The following CMTM8 variants were observed in gnomAD, a reference collection of about 807,000 sequenced individuals.
CMTM8 encodes CKLF-like MARVEL transmembrane domain-containing protein 8.
Under a neutral mutation model 18.6 loss-of-function variants are expected in CMTM8, and 12 were observed. The ratio of observed to expected loss-of-function variants is 0.65; its 90% CI spans 0.41 to 1.05. CMTM8 has a LOEUF of 1.05. Among genes scored for constraint, CMTM8 ranks in the 50% least tolerant of loss-of-function variants. The probability of loss-of-function intolerance (pLI) is 0.00; values close to 1 mark genes in which losing one functional copy is unlikely to be tolerated. For synonymous variants in CMTM8, 87 were observed against 90.6 expected, an observed-to-expected ratio of 0.96 and a Z score of 0.23; for missense variants, 217 against 227.2, an observed-to-expected ratio of 0.95 and a Z score of 0.29.
rs143556942 is a variant in CMTM8, at chr3:32,358,746, G to A, written c.321+1200G>A. ...TCTTTATTAAGATTTTCAAGAAAGC[G>A]TTGCAAGTTTGAAAAGTAATTCCAA... On this transcript the variant is annotated intron_variant, in intron 2 of 3. Coordinates refer to ENST00000307526, the MANE Select transcript of CMTM8 (RefSeq NM_178868.5). The surrounding 1 kb of genome is among the most constrained non-coding windows in gnomAD (Gnocchi z 4.1). Among the ~76,000 whole-genome samples, 535 of 152,290 alleles carry A rather than the reference G, an allele frequency of 3.5e-3. 3 individuals carry two copies. Among genetic ancestry groups the A allele is most frequent in the South Asian group, 0.017 (83 of 4,830 alleles).
intron 1 of CMTM8, among the ~76,000 whole-genome samples, chr3:32,264,305 TAAAG>T (rs1355355885): frequency 2.0e-5 from 3 of 152,190 alleles, no homozygotes; most frequent in African/African-American, 7.2e-5. Context: ...TCAAAATTCT[TAAAG>T]AAAAGAATTT....
In CMTM8 at chr3:32,319,057, C is replaced by CATACATATATATATATATAT. The variant is rs1206855049; in HGVS notation, c.148-38313_148-38312insCATATATATATATATATATA. On this transcript the variant is annotated intron_variant, in intron 1 of 3. Coordinates refer to ENST00000307526, the MANE Select transcript of CMTM8 (RefSeq NM_178868.5). ...AAATTTATATATATGTGTGTATATA[C>CATACATATATATATATATAT]ATATATATATATATATATTTTTTTT... is the stretch of plus-strand genomic sequence containing the variant. Among the ~76,000 whole-genome samples the CATACATATATATATATATAT allele has an allele frequency of 2.8e-4, 13 of 45,886 alleles. 1 individual carries two copies. Among genetic ancestry groups the CATACATATATATATATATAT allele is most frequent in the African/African-American group, 1.2e-3 (12 of 10,158 alleles). 30.1% of individuals were successfully genotyped at this position (45,886 alleles called of 152,430 possible).
intron 1 of CMTM8, among the ~76,000 whole-genome samples, chr3:32,280,798 C>T (rs1011502886): frequency 2.6e-5 from 3 of 117,336 alleles, no homozygotes; most frequent in Non-Finnish European, 4.9e-5. Context: ...CGACCCTACT[C>T]AAATTACATT....
chr3:32,294,248 A>C (rs746209351), intron 1 of CMTM8, among the ~76,000 whole-genome samples: 35 of 152,190 alleles, frequency 2.3e-4, no homozygotes, highest in Non-Finnish European at 4.7e-4. Flanking sequence ...CCTGAATGGC[A>C]AGTGTCCTGT....
intron 1 of CMTM8, among the ~76,000 whole-genome samples, chr3:32,313,544 A>G (rs1695862240): frequency 1.3e-5 from 2 of 152,106 alleles, no homozygotes; most frequent in African/African-American, 4.8e-5. Context: ...AGCTCAAGCA[A>G]GGTGCCCACC....
intron 1 of CMTM8, among the ~76,000 whole-genome samples, chr3:32,345,098 A>T (rs1409142175): frequency 6.6e-6 from 1 of 152,090 alleles, no homozygotes; most frequent in Non-Finnish European, 1.5e-5. Context: ...CTGTAATAGG[A>T]TTTGGGAGGC....
At chr3:32,286,357 G>C (rs887174388) in intron 1 of CMTM8, among the ~76,000 whole-genome samples, 28 of 152,098 alleles carry the variant, frequency 1.8e-4, no homozygotes, top group Non-Finnish European at 2.9e-5. Flanking sequence ...GCTAGATGTG[G>C]CCTCAGGTCC....
At chr3:32,275,067 A>G (rs1702494944) in intron 1 of CMTM8, among the ~76,000 whole-genome samples, 1 of 152,168 alleles carries the variant, frequency 6.6e-6, no homozygotes, top group Non-Finnish European at 1.5e-5. Context: ...GCAGTGGTGC[A>G]ATCATGGCTC....
At chr3:32,282,110 C>T (rs1702617741) in intron 1 of CMTM8, among the ~76,000 whole-genome samples, 1 of 152,194 alleles carries the variant, frequency 6.6e-6, no homozygotes, top group Non-Finnish European at 1.5e-5. Context: ...CACTCACCAT[C>T]TCTTCTGATA....
intron 1 of CMTM8, among the ~76,000 whole-genome samples, chr3:32,255,771 A>G (rs1225378440): frequency 1.3e-5 from 2 of 152,028 alleles, no homozygotes; most frequent in Non-Finnish European, 1.5e-5. Context: ...GCCACCCAGG[A>G]TGGAGTGCAG....
At chr3:32,363,652 C>T (rs1382061642) in intron 2 of CMTM8, among the ~76,000 whole-genome samples, 2 of 152,186 alleles carry the variant, frequency 1.3e-5, no homozygotes, top group Non-Finnish European at 2.9e-5. Flanking sequence ...GCTGCATTGG[C>T]CCATCTCCTG....
chr3:32,238,198 G>A (rs1701888427), upstream of CMTM8: 1 of 152,438 alleles, frequency 6.6e-6, no homozygotes, highest in South Asian at 2.1e-4. Flanking sequence ...GGGCAGTGCT[G>A]GCGGCCTCTC....
chr3:32,265,751 A>C (rs1702331105), intron 1 of CMTM8, among the ~76,000 whole-genome samples: 1 of 152,258 alleles, frequency 6.6e-6, no homozygotes, highest in South Asian at 2.1e-4. Context: ...AATAGACGCA[A>C]TAAAAAATGA....
chr3:32,301,298 A>G (rs927302701), intron 1 of CMTM8, among the ~76,000 whole-genome samples: 7 of 152,112 alleles, frequency 4.6e-5, no homozygotes, highest in Non-Finnish European at 1.0e-4. Context: ...AAGTTACAGA[A>G]TCTTTAGCAT....
chr3:32,265,310 C>T (rs1055297588), intron 1 of CMTM8, among the ~76,000 whole-genome samples: 3 of 152,130 alleles, frequency 2.0e-5, no homozygotes, highest in East Asian at 1.9e-4. Context: ...CACTCAAAAC[C>T]GCTCAACTAC....
In CMTM8 at chr3:32,244,680, A is replaced by G. The variant is rs75547098; in HGVS notation, c.147+5561A>G. Among the ~76,000 whole-genome samples the G allele has an allele frequency of 5.4e-3, 815 of 152,242 alleles. 1 individual carries two copies. Among genetic ancestry groups the G allele is most frequent in the African/African-American group, 0.018 (768 of 41,528 alleles). On this transcript the variant is annotated intron_variant, in intron 1 of 3. Transcript: ENST00000307526. The stretch of plus-strand genomic sequence containing the variant: ...TGAATTATTACCGTTTTCTGTCGTA[A>G]AGAAGTACCATACCTGGTTTCCCCA...
chr3:32,318,564 ATTT>A (rs1215037595), intron 1 of CMTM8, among the ~76,000 whole-genome samples: 3 of 125,256 alleles, frequency 2.4e-5, no homozygotes, highest in Admixed American at 8.5e-5. Flanking sequence ...GTCATTATTA[ATTT>A]TTTTTTTTTT....
intron 1 of CMTM8, among the ~76,000 whole-genome samples, chr3:32,255,895 T>C (rs544118215): frequency 2.0e-5 from 3 of 152,024 alleles, no homozygotes; most frequent in African/African-American, 7.2e-5. Context: ...CCAGCTAATT[T>C]TTTTGTATTT....
In CMTM8 at chr3:32,239,132, G is replaced by T; in HGVS notation, c.147+13G>T. On this transcript the variant is annotated intron_variant, in intron 1 of 3. Coordinates refer to ENST00000307526, the MANE Select transcript of CMTM8 (RefSeq NM_178868.5). The stretch of plus-strand genomic sequence containing the variant: ...CGTGGCCGAGATCGTGAGTGCCGAC[G>T]GGCCGGGGGTGGCGGGGGGCTCAGC... 1.3e-6 allele frequency: 2 copies of T among 1,590,076 alleles called. No homozygotes were observed. The highest frequency in any genetic ancestry group is 1.7e-6 in the Non-Finnish European group (2 of 1,169,000).
Sources: allele counts gnomAD v4.1 joint callset (sites outside exome capture counted in the v4.1 genomes callset), GRCh38; gene constraint gnomAD v4.1.1; non-coding constraint Gnocchi (gnomAD v3.1); transcripts MANE v1.5; gene names NCBI Gene and HGNC (gene_info 2026-07-23, HGNC 2026-07-21).